POLR2F: variants seen among roughly 807,000 people sequenced by gnomAD.
The protein encoded by POLR2F is RNA polymerase II, I and III subunit F, also known as DNA-directed RNA polymerases I, II, and III subunit RPABC2.
A neutral mutation model predicts 22.7 loss-of-function variants in POLR2F; 12 were observed. That is an observed-to-expected ratio of 0.53 (90% CI 0.34 to 0.86). The LOEUF is 0.86. POLR2F is among the 40% of genes least tolerant of loss of function. The pLI is 0.02. For missense variants in POLR2F, 126 were observed against 171.5 expected (o/e 0.73, Z 1.48); for synonymous variants, 57 against 66.0 (o/e 0.86, Z 0.66).
Position 37,978,571 on chromosome 22 carries a change from G to C in POLR2F, c.293+11401G>C, listed in dbSNP as rs544460280. ...GGTGGGCAATAGAAGCAGCATGGCTGGGGGAGAACTCAGTCTCTGCTACTT... is the reference window on the plus strand; with the variant it reads ...GGTGGGCAATAGAAGCAGCATGGCTCGGGGAGAACTCAGTCTCTGCTACTT... On this transcript the variant is annotated intron_variant, in intron 4 of 4. Transcript: ENST00000405557. The surrounding 1 kb of genome is among the most constrained non-coding windows in gnomAD (Gnocchi z 5.0). 3.9e-5 allele frequency among the ~76,000 whole-genome samples: 6 copies of C among 152,336 alleles called. No individual in the cohort carries two copies. The South Asian group carries it at 1.0e-3, about 26-fold the overall frequency.
intron 1 of POLR2F, among the ~76,000 whole-genome samples, chr22:38,003,066 G>T (rs1192087965): frequency 6.6e-6 from 1 of 151,998 alleles, no homozygotes; most frequent in East Asian, 1.9e-4. Flanking sequence ...GTGAGCAAAG[G>T]TTCAGAGAAG....
At chr22:38,012,314 T>C (rs2084878115) in intron 1 of POLR2F, among the ~76,000 whole-genome samples, 2 of 152,186 alleles carry the variant, frequency 1.3e-5, no homozygotes. Context: ...ACTCCTGGCC[T>C]CAAGTGATCC....
chr22:38,014,136 AAAAAAG>A (rs2084895812), intron 1 of POLR2F, among the ~76,000 whole-genome samples: 1 of 151,678 alleles, frequency 6.6e-6, no homozygotes, highest in Admixed American at 6.6e-5. Context: ...AAAAAAAAAA[AAAAAAG>A]AAAAAAGAAA....
exon 3 of POLR2F, chr22:38,026,535 C>A: frequency 2.9e-6 from 1 of 340,340 alleles, no homozygotes; most frequent in South Asian, 2.2e-5. Flanking sequence ...CGGGATGGCC[C>A]CTCTTTCCCC....
Position 38,020,238 on chromosome 22 carries a change from C to CAT in POLR2F, c.121-5621_121-5620dup, listed in dbSNP as rs760066873. On this transcript the variant is annotated intron_variant, in intron 1 of 2. Coordinates refer to the POLR2F transcript ENST00000333418. The stretch of plus-strand genomic sequence containing the variant: ...ACACACACACACACACACACACATA[C>CAT]ATATATATATACACATATATATACA... Among the ~76,000 whole-genome samples, 448 of 149,324 alleles carry CAT rather than the reference C, an allele frequency of 3.0e-3. 1 individual carries two copies. Among genetic ancestry groups the CAT allele is most frequent in the Middle Eastern group, 0.021 (6 of 292 alleles).
At chr22:37,957,326 G>A (rs1931440815) in intron 2 of POLR2F, among the ~76,000 whole-genome samples, 1 of 152,146 alleles carries the variant, frequency 6.6e-6, no homozygotes, top group Admixed American at 6.6e-5. Context: ...ACTGGGGAAG[G>A]GCAAGAGTGA....
rs564076729 is a variant in POLR2F at position 37,980,903 on chromosome 22, G to A, written c.293+13733G>A. Among the ~76,000 whole-genome samples the A allele has an allele frequency of 6.6e-6, 1 of 152,308 alleles. No individual in the cohort carries two copies. Among genetic ancestry groups the A allele is most frequent in the South Asian group, 2.1e-4 (1 of 4,824 alleles). On this transcript the variant is annotated intron_variant, in intron 4 of 4. Transcript: ENST00000405557. The surrounding 1 kb of genome is among the most constrained non-coding windows in gnomAD (Gnocchi z 4.1). ...AGGGGCCTGTGGCACTGGGAACAGA[G>A]GCTGGGTGACCCCCACCACACAGGA... is the stretch of plus-strand genomic sequence containing the variant.
intron 1 of POLR2F, among the ~76,000 whole-genome samples, chr22:37,954,129 GC>G (rs1217550003): frequency 3.9e-5 from 6 of 152,136 alleles, no homozygotes; most frequent in Non-Finnish European, 5.9e-5. Context: ...CTCTCCACGT[GC>G]TCACTTTCTA....
chr22:38,026,444 G>A (rs2085011173), exon 3 of POLR2F: 6 of 412,332 alleles, frequency 1.5e-5, no homozygotes, highest in South Asian at 1.1e-4. Flanking sequence ...ATAACACCAG[G>A]GGCTGGTCTT....
downstream of POLR2F, chr22:37,973,315 C>T: frequency 1.2e-5 from 7 of 573,860 alleles, no homozygotes; most frequent in South Asian, 1.6e-4. Flanking sequence ...GCTGCTGGAG[C>T]CTGGATGGGG....
In POLR2F at chr22:37,980,201, C is replaced by T. The variant is rs898466645; in HGVS notation, c.293+13031C>T. Reference sequence around the variant, plus strand: ...AGTGGGATGTGGGCACCCTCTCTGACGGCTGGGACCAGGGGAGGGGGTGGA... The same window carrying T: ...AGTGGGATGTGGGCACCCTCTCTGATGGCTGGGACCAGGGGAGGGGGTGGA... On this transcript the variant is annotated intron_variant, in intron 4 of 4. Coordinates refer to the POLR2F transcript ENST00000405557. This position sits in a 1 kb window ranked among gnomAD's most constrained non-coding sequence, Gnocchi z 4.1. Among the ~76,000 whole-genome samples the T allele has an allele frequency of 3.3e-5, 5 of 152,198 alleles. No homozygotes were observed. The highest frequency in any genetic ancestry group is 2.1e-4 in the South Asian group (1 of 4,818).
At chr22:38,004,529 T>C (rs1288015073) in intron 1 of POLR2F, among the ~76,000 whole-genome samples, 3 of 151,372 alleles carry the variant, frequency 2.0e-5, no homozygotes, top group Non-Finnish European at 4.4e-5. Flanking sequence ...GAGCAAGAGA[T>C]GGCAGGCAGT....
intron 1 of POLR2F, among the ~76,000 whole-genome samples, chr22:38,014,354 ATT>A (rs918855178): frequency 2.2e-5 from 3 of 135,184 alleles, no homozygotes; most frequent in Non-Finnish European, 3.2e-5. Flanking sequence ...TATTTTTTTT[ATT>A]TTTTTTTTTT....
At chr22:38,005,559 C>T (rs1319622137) in intron 1 of POLR2F, among the ~76,000 whole-genome samples, 3 of 152,208 alleles carry the variant, frequency 2.0e-5, no homozygotes, top group Non-Finnish European at 4.4e-5. Flanking sequence ...CTGGTACTGG[C>T]CTGGGGGCCA....
upstream of POLR2F, chr22:37,986,016 C>T: frequency 7.5e-7 from 1 of 1,333,460 alleles, no homozygotes; most frequent in East Asian, 2.8e-5. This position sits in a 1 kb window ranked among gnomAD's most constrained non-coding sequence, Gnocchi z 4.7. Flanking sequence ...TGCCAACCCT[C>T]CTCCCCCCGC....
intron 3 of POLR2F, among the ~76,000 whole-genome samples, chr22:37,964,164 G>A (rs1305059277): frequency 2.0e-5 from 3 of 151,872 alleles, no homozygotes; most frequent in African/African-American, 7.3e-5. Flanking sequence ...TCTGGTGGGG[G>A]AGATAGACCT....
chr22:37,977,800 C>T, intron 4 of POLR2F: 1 of 1,520,726 alleles, frequency 6.6e-7, no homozygotes, highest in Non-Finnish European at 8.9e-7. Flanking sequence ...GTCTCATTGC[C>T]ATCCAGCCAT....
chr22:37,954,749 G>C (rs1931298525), intron 1 of POLR2F, among the ~76,000 whole-genome samples: 1 of 152,170 alleles, frequency 6.6e-6, no homozygotes, highest in Non-Finnish European at 1.5e-5. Flanking sequence ...GGTGCAAAGA[G>C]AGCTAGTCTG....
intron 1 of POLR2F, among the ~76,000 whole-genome samples, chr22:37,992,771 T>C (rs1932751527): frequency 6.6e-6 from 1 of 152,184 alleles, no homozygotes; most frequent in South Asian, 2.1e-4. Flanking sequence ...CCCCGTCTGC[T>C]CCCAGTCACC....
Sources: allele counts gnomAD v4.1 joint callset (sites outside exome capture counted in the v4.1 genomes callset), GRCh38; gene constraint gnomAD v4.1.1; non-coding constraint Gnocchi (gnomAD v3.1); transcripts MANE v1.5; gene names NCBI Gene and HGNC (gene_info 2026-07-23, HGNC 2026-07-21).